The following ABCD4 variants were observed in gnomAD, a reference collection of about 807,000 sequenced individuals.
The protein encoded by ABCD4 is lysosomal cobalamin transporter ABCD4.
In ABCD4, 53 loss-of-function variants were observed where a neutral mutation model predicts 86.3. The ratio of observed to expected loss-of-function variants is 0.61; its 90% CI spans 0.49 to 0.77. The LOEUF (loss-of-function observed/expected upper bound fraction) is 0.77. Among genes scored for constraint, ABCD4 ranks in the 30% least tolerant of loss-of-function variants. ABCD4 has a pLI of 0.00. For synonymous variants in ABCD4, 328 were observed against 313.6 expected, an observed-to-expected ratio of 1.05 and a Z score of -0.49; for missense variants, 757 against 764.5, an observed-to-expected ratio of 0.99 and a Z score of 0.12.
At chr14:74,291,291 T>G (rs1320068860) in intron 11 of ABCD4, among the ~76,000 whole-genome samples, 1 of 152,230 alleles carries the variant, frequency 6.6e-6, no homozygotes, top group Non-Finnish European at 1.5e-5. Context: ...GGGGTGGAAC[T>G]TCTACTCTCT....
chr14:74,289,236 G>A (rs764384764), intron 14 of ABCD4: 14 of 1,344,412 alleles, frequency 1.0e-5, no homozygotes, highest in Non-Finnish European at 5.7e-6. Context: ...CATAAGGGAA[G>A]GGGTGGGTGA....
Position 74,286,709 on chromosome 14 carries a change from G to C in ABCD4, c.1744C>G (p.Leu582Val), listed in dbSNP as rs1193126092. The change falls in exon 18 of 19, where the codon CTT becomes GTT. Residue 582 changes from leucine to valine, a missense_variant. By Grantham distance (32) the Leu-to-Val change is conservative. Transcript: ENST00000356924. ...TFISVGHRQS[L>V]EKFHSLVLKL... is the part of the protein sequence containing the mutation. Reference sequence around the variant, plus strand: ...CTTGTGAGCACGGGTACCTTCTCAAGGCTCTGCCGATGTCCCACACTGATG... The same window carrying C: ...CTTGTGAGCACGGGTACCTTCTCAACGCTCTGCCGATGTCCCACACTGATG... 1 of 1,614,104 alleles carries C rather than the reference G, an allele frequency of 6.2e-7. No homozygotes were observed. The highest frequency in any genetic ancestry group is 8.5e-7 in the Non-Finnish European group (1 of 1,180,032).
intron 5 of ABCD4, 141 bp downstream of exon 5, chr14:74,296,192 G>C: frequency 1.8e-6 from 2 of 1,103,988 alleles, no homozygotes; most frequent in Non-Finnish European, 2.7e-6. Context: ...AAGGGCAGGG[G>C]CCTGAGCACG....
At chr14:74,293,089 G>A (rs940220324) in intron 8 of ABCD4, 65 bp downstream of exon 8, 26 of 1,528,926 alleles carry the variant, frequency 1.7e-5, no homozygotes, top group Admixed American at 5.1e-5. Context: ...AGGTAGAGAG[G>A]TGTGGGAAGG....
chr14:74,289,604 C>A, intron 13 of ABCD4, 85 bp from the exon 14 acceptor site: 1 of 1,536,622 alleles, frequency 6.5e-7, no homozygotes, highest in Non-Finnish European at 8.8e-7. Flanking sequence ...CCAGAACCCA[C>A]TGGAACCTCC....
rs1333073417 is a variant in ABCD4, at chr14:74,295,265, T to C, written c.669-67A>G. The C allele has an allele frequency of 3.8e-6, 6 of 1,589,988 alleles. No homozygotes were observed. The East Asian group carries it at 9.0e-5, about 24-fold the overall frequency. ...ACTGGCCTCACTCTTGTTGGAGTCC[T>C]GGATCACAAAGACCGCCCAAGCGGA... On this transcript the variant is annotated intron_variant, in intron 6 of 18. Coordinates refer to ENST00000356924, the MANE Select transcript of ABCD4 (RefSeq NM_005050.4).
Position 74,286,383 on chromosome 14 carries a change from T to A in ABCD4, c.*78A>T, listed in dbSNP as rs1442618504. The A allele has an allele frequency of 6.6e-7, 1 of 1,514,140 alleles. No homozygotes were observed. Among genetic ancestry groups the A allele is most frequent in the East Asian group, 2.3e-5 (1 of 44,390 alleles). 93.8% of individuals were successfully genotyped at this position (1,514,140 alleles called of 1,614,324 possible). A position where few individuals can be genotyped will look rare whatever the true frequency, so the allele number is the denominator to read the frequency against. On this transcript the variant is annotated 3_prime_UTR_variant, in exon 19 of 19. Coordinates refer to ENST00000356924, the MANE Select transcript of ABCD4 (RefSeq NM_005050.4). ...CTATGTGGCGAACCTGAGCTCGATC[T>A]TCGCTGTCAGTCCTCCTGGTCTCTC...
At chr14:74,300,478 G>A (rs963353856) in intron 1 of ABCD4, among the ~76,000 whole-genome samples, 1 of 151,742 alleles carries the variant, frequency 6.6e-6, no homozygotes, top group Non-Finnish European at 1.5e-5. Context: ...TGTAATCCCA[G>A]CTACTCGGGA....
Position 74,287,760 on chromosome 14 carries a change from C to A in ABCD4, c.1636+50G>T, listed in dbSNP as rs749618567. On this transcript the variant is annotated intron_variant, in intron 17 of 18. Transcript: ENST00000356924. ...GCCTGTGAACACATGCTGCTACACC[C>A]GTGAGTGCAGACAGCGCATGGCATG... 2.0e-6 allele frequency: 3 copies of A among 1,526,062 alleles called. No individual in the cohort carries two copies. The Admixed American group carries it at 5.5e-5, about 28-fold the overall frequency. 94.5% of individuals were successfully genotyped at this position (1,526,062 alleles called of 1,614,324 possible). A position where few individuals can be genotyped will look rare whatever the true frequency, so the allele number is the denominator to read the frequency against.
intron 6 of ABCD4, 67 bp from the exon 7 acceptor site, chr14:74,295,265 TG>T: frequency 1.3e-6 from 2 of 1,589,988 alleles, no homozygotes; most frequent in Non-Finnish European, 8.6e-7. Context: ...GTTGGAGTCC[TG>T]GATCACAAAG....
intron 3 of ABCD4, among the ~76,000 whole-genome samples, chr14:74,298,496 C>G (rs1031527182): frequency 1.3e-5 from 2 of 152,162 alleles, no homozygotes; most frequent in African/African-American, 4.8e-5. Context: ...GTCTGGAACT[C>G]CCGACCTCAG....
rs1688297703 is a variant in ABCD4, at chr14:74,286,744, C to T, written c.1709G>A (p.Gly570Glu). Reference protein sequence around the residue: ...SELYRIGQQLGMTFISVGHRQ... With the variant: ...SELYRIGQQLEMTFISVGHRQ... ...ATGTCCCACACTGATGAACGTCATC[C>T]CCAGCTGCTGGCCGATGCGATAGAG... is the stretch of plus-strand genomic sequence containing the variant. The change falls in exon 18 of 19, where the codon GGG becomes GAG. Residue 570 changes from glycine to glutamate, a missense_variant. Transcript: ENST00000356924. The T allele has an allele frequency of 6.2e-7, 1 of 1,614,150 alleles. No homozygotes were observed.
At chr14:74,302,795 A>C (rs766111089) in intron 1 of ABCD4, 80 bp downstream of exon 1, 14 of 1,378,216 alleles carry the variant, frequency 1.0e-5, no homozygotes, top group Non-Finnish European at 1.3e-5. Flanking sequence ...GCGGCGGACG[A>C]GGCACGGAGG....
At chr14:74,296,285 T>C (rs751312842) in intron 5 of ABCD4, 48 bp downstream of exon 5, 15 of 1,567,292 alleles carry the variant, frequency 9.6e-6, no homozygotes, top group Middle Eastern at 1.7e-4. Context: ...GAGAGCTGAC[T>C]GAGGGCCCTC....
chr14:74,286,343 G>A lies in ABCD4; in HGVS notation c.*118C>T. 9.2e-7 allele frequency: 1 copy of A among 1,089,312 alleles called. No individual in the cohort carries two copies. Among genetic ancestry groups the A allele is most frequent in the South Asian group, 1.3e-5 (1 of 75,794 alleles). The allele number at this position is 1,089,312 out of a possible 1,614,324, so 67.5% of individuals were successfully genotyped here. A position where few individuals can be genotyped will look rare whatever the true frequency, so the allele number is the denominator to read the frequency against. On this transcript the variant is annotated 3_prime_UTR_variant, in exon 19 of 19. Coordinates refer to ENST00000356924, the MANE Select transcript of ABCD4 (RefSeq NM_005050.4). ...AGGGGTCCTGCACAGGACCCATGTG[G>A]CTCCTGCACGGGATCTATGTGGCGA...
rs1301278334 is a variant in ABCD4, at chr14:74,290,108, C to T, written c.1338G>A (p.Gln446=). The change falls in exon 13 of 19, where the codon CAG becomes CAA. Residue 446 remains glutamine (Q), a synonymous_variant. Transcript: ENST00000356924. The part of the protein sequence containing the change: ...GLWTSTRGSV[Q]MLTDFGPHGV... ...CATGGGGCCCAAAGTCCGTCAGCAT[C>T]TGCACTGAGCCTGCAGAGCCCACAG... is the stretch of plus-strand genomic sequence containing the variant. The T allele has an allele frequency of 3.1e-6, 5 of 1,614,078 alleles. No individual in the cohort carries two copies. In the East Asian group the frequency reaches 1.1e-4, roughly 36 times the overall value.
chr14:74,295,288 G>A (rs772473877), intron 6 of ABCD4, 90 bp from the exon 7 acceptor site: 15 of 1,494,930 alleles, frequency 1.0e-5, no homozygotes, highest in Admixed American at 5.3e-5. Context: ...CCGCCCAAGC[G>A]GAGCCCGGCT....
chr14:74,296,653 C>T (rs1354836690), intron 4 of ABCD4: 1 of 557,850 alleles, frequency 1.8e-6, no homozygotes, highest in Non-Finnish European at 3.2e-6. Context: ...TAGAGAGTTG[C>T]ATCTTACGGT....
At chr14:74,295,256 T>C (rs1231068724) in intron 6 of ABCD4, 58 bp from the exon 7 acceptor site, 5 of 1,601,464 alleles carry the variant, frequency 3.1e-6, no homozygotes, top group East Asian at 4.5e-5. Flanking sequence ...CTCACTCTTG[T>C]TGGAGTCCTG....
Sources: gnomAD v4.1 joint callset for allele counts (sites outside exome capture counted in the v4.1 genomes callset) on GRCh38, gnomAD v4.1.1 for gene constraint, MANE v1.5 for transcripts, NCBI Gene and HGNC (gene_info 2026-07-23, HGNC 2026-07-21) for gene names.